The following AMOT variants were observed in gnomAD, a reference collection of about 807,000 sequenced individuals.
AMOT encodes angiomotin.
In AMOT, 11 loss-of-function variants were observed where a neutral mutation model predicts 67.0. That is an observed-to-expected ratio of 0.16 (90% confidence interval 0.10 to 0.27). AMOT has a LOEUF of 0.27. AMOT is among the 10% of genes least tolerant of loss of function. The pLI is 1.00. For missense variants in AMOT, 753 were observed against 852.0 expected, an observed-to-expected ratio of 0.88 and a Z score of 1.45; for synonymous variants, 326 against 321.4, an observed-to-expected ratio of 1.01 and a Z score of -0.15.
intron 1 of AMOT, among the ~76,000 whole-genome samples, chrX:112,834,467 G>C (rs914027643): frequency 9.0e-6 from 1 of 111,617 alleles, no homozygotes; most frequent in Non-Finnish European, 1.9e-5. Context: ...GATCTGATGT[G>C]ACACCAATAA....
At chrX:112,789,581 G>A (rs1933498127) in intron 10 of AMOT, among the ~76,000 whole-genome samples, 1 of 111,009 alleles carries the variant, frequency 9.0e-6, no homozygotes, top group Admixed American at 9.6e-5. Context: ...CTCTGATTTG[G>A]CATGGAAGGA....
intron 2 of AMOT, among the ~76,000 whole-genome samples, chrX:112,831,785 G>C (rs997146895): frequency 2.7e-4 from 29 of 108,584 alleles, no homozygotes; most frequent in Admixed American, 2.5e-3. Context: ...TATTGACTAG[G>C]AACAGAACAG....
Position 112,780,910 on chromosome X carries a change from C to T in AMOT, c.2449G>A (p.Asp817Asn), listed in dbSNP as rs1324870793. The change falls in exon 12 of 14, where the codon GAC becomes AAC. Residue 817 changes from aspartate to asparagine, a missense_variant. Physicochemically the swap from Asp to Asn is conservative, Grantham distance 23 (BLOSUM62 1). Around this residue, in one of 5 missense-constraint regions of AMOT, gnomAD observed 269 missense variants for 300.9 expected, o/e 0.89. Transcript: ENST00000371959. Reference protein sequence around the residue: ...GSPIMEEKRDDKSWKGSLGIL... With the variant: ...GSPIMEEKRDNKSWKGSLGIL... ...CCTAGGCTCCCCTTCCAGCTCTTGT[C>T]GTCTCGCTTTTCTTCCATGATGGGG... 5.8e-6 allele frequency: 7 copies of T among 1,211,532 alleles called. No individual in the cohort carries two copies. Among genetic ancestry groups the T allele is most frequent in the Admixed American group, 4.3e-5 (2 of 46,047 alleles).
At chrX:112,797,833 GAGA>G (rs906055286) in intron 8 of AMOT, among the ~76,000 whole-genome samples, 35 of 106,166 alleles carry the variant, frequency 3.3e-4, no homozygotes, top group African/African-American at 1.0e-3. Context: ...GAAGAAGAAG[GAGA>G]AGGAGAAGAG....
chrX:112,796,159 C>T (rs977618928), intron 8 of AMOT, among the ~76,000 whole-genome samples: 5 of 111,755 alleles, frequency 4.5e-5, no homozygotes, highest in African/African-American at 1.3e-4. Flanking sequence ...CAAGAGGGCT[C>T]AGCCAAACGG....
At chrX:112,813,400 G>A (rs1386448528) in intron 5 of AMOT, among the ~76,000 whole-genome samples, 4 of 111,117 alleles carry the variant, frequency 3.6e-5, no homozygotes, top group Non-Finnish European at 5.7e-5. Flanking sequence ...TGAGCCTCAG[G>A]CCTTTTCATT....
intron 2 of AMOT, among the ~76,000 whole-genome samples, chrX:112,831,175 G>A (rs759064107): frequency 4.9e-4 from 54 of 109,970 alleles, no homozygotes; most frequent in African/African-American, 1.8e-3. Context: ...GGAGGCAATA[G>A]GTCAGAGATG....
chrX:112,836,605 G>C (rs188624693), intron 1 of AMOT, among the ~76,000 whole-genome samples: 1 of 110,956 alleles, frequency 9.0e-6, no homozygotes, highest in Admixed American at 9.7e-5. Context: ...AAAAATGAAA[G>C]CAGGTGATCT....
intron 5 of AMOT, among the ~76,000 whole-genome samples, chrX:112,814,132 C>T (rs1041471366): frequency 9.0e-6 from 1 of 110,771 alleles, no homozygotes; most frequent in African/African-American, 3.3e-5. Flanking sequence ...ATTAGCCAGG[C>T]GTGGTGACAC....
At chrX:112,799,771 T>G (rs1354926642) in intron 8 of AMOT, among the ~76,000 whole-genome samples, 5 of 111,920 alleles carry the variant, frequency 4.5e-5, no homozygotes, top group Non-Finnish European at 7.5e-5. Context: ...GGGCTCATGT[T>G]GTAAAGGCGA....
chrX:112,779,922 TAA>T (rs1933085955), intron 12 of AMOT, among the ~76,000 whole-genome samples: 1 of 111,205 alleles, frequency 9.0e-6, no homozygotes, highest in African/African-American at 3.3e-5. Context: ...CAACCATGGC[TAA>T]AAGTTTCCTA....
chrX:112,831,445 CAATA>C (rs35986965), intron 2 of AMOT, among the ~76,000 whole-genome samples: 4,071 of 94,531 alleles, frequency 0.043, 109 homozygotes, highest in African/African-American at 0.075. Context: ...CCTAGGGTGG[CAATA>C]AATAAATAAA....
intron 7 of AMOT, among the ~76,000 whole-genome samples, chrX:112,808,675 G>T (rs750481011): frequency 1.2e-4 from 13 of 112,054 alleles, no homozygotes; most frequent in Admixed American, 2.8e-4. Flanking sequence ...TCTCCACACA[G>T]AAAGGAGTAT....
chrX:112,819,891 G>A (rs1215293017), intron 4 of AMOT, among the ~76,000 whole-genome samples: 3 of 112,731 alleles, frequency 2.7e-5, no homozygotes, highest in Non-Finnish European at 3.7e-5. Flanking sequence ...GGCTCAGAAT[G>A]TAGTCTTCTA....
At chrX:112,796,374 T>G (rs1195976227) in intron 8 of AMOT, among the ~76,000 whole-genome samples, 1 of 112,102 alleles carries the variant, frequency 8.9e-6, no homozygotes, top group Non-Finnish European at 1.9e-5. Context: ...GGTTCGAGTG[T>G]TTGTGCATAA....
At chrX:112,817,178 A>T (rs1432461945) in intron 4 of AMOT, among the ~76,000 whole-genome samples, 1 of 112,205 alleles carries the variant, frequency 8.9e-6, no homozygotes, top group Non-Finnish European at 1.9e-5. Context: ...GACCTCTTCT[A>T]CTGCTCACGA....
At chrX:112,792,136 A>G (rs1046308734) in intron 8 of AMOT, among the ~76,000 whole-genome samples, 155 bp from the exon 9 acceptor site, 3 of 112,465 alleles carry the variant, frequency 2.7e-5, no homozygotes, top group Non-Finnish European at 5.6e-5. Context: ...GGTCCTTCAC[A>G]ATGAGTAGCA....
chrX:112,809,163 C>T (rs937778816), intron 7 of AMOT, among the ~76,000 whole-genome samples: 29 of 111,152 alleles, frequency 2.6e-4, no homozygotes, highest in African/African-American at 8.8e-4. Context: ...GAGAGCAGTT[C>T]ATGTTTCCCC....
At chrX:112,799,083 AT>A (rs149908817) in intron 8 of AMOT, among the ~76,000 whole-genome samples, 5,482 of 111,913 alleles carry the variant, frequency 0.049, 105 homozygotes, top group Middle Eastern at 0.078. Flanking sequence ...CGACTTAATC[AT>A]TTAGCTTCCC....
Sources: gnomAD v4.1 joint callset for allele counts (sites outside exome capture counted in the v4.1 genomes callset) on GRCh38, gnomAD v4.1.1 for gene constraint, gnomAD v4.1.1 regional missense constraint, MANE v1.5 for transcripts, NCBI Gene and HGNC (gene_info 2026-07-23, HGNC 2026-07-21) for gene names.